GRM8: variants seen among roughly 807,000 people sequenced by gnomAD.
GRM8 encodes metabotropic glutamate receptor 8.
GRM8 carries 47 observed loss-of-function variants against 87.2 expected under a neutral mutation model. The ratio of observed to expected loss-of-function variants is 0.54; its 90% CI spans 0.43 to 0.69. The LOEUF (loss-of-function observed/expected upper bound fraction) is 0.69. GRM8 is among the 30% of genes least tolerant of loss of function. The pLI is 0.00. For missense variants in GRM8, 1,019 were observed against 1,139.2 expected (o/e 0.89, Z 1.52); for synonymous variants, 396 against 404.5 (o/e 0.98, Z 0.25).
chr7:126,730,916 A>G (rs1417540530), intron 7 of GRM8, among the ~76,000 whole-genome samples: 2 of 152,164 alleles, frequency 1.3e-5, no homozygotes, highest in Non-Finnish European at 2.9e-5. Context: ...TCTCTTTTCG[A>G]TAAATCTGTA....
intron 6 of GRM8, among the ~76,000 whole-genome samples, chr7:126,842,684 C>T (rs1796386131): frequency 1.3e-5 from 2 of 152,136 alleles, no homozygotes; most frequent in Admixed American, 1.3e-4. Flanking sequence ...GACCAGAGAG[C>T]AGGCATAATC....
At chr7:126,597,266 T>C (rs528940249) in intron 8 of GRM8, among the ~76,000 whole-genome samples, 2 of 152,226 alleles carry the variant, frequency 1.3e-5, no homozygotes, top group East Asian at 3.9e-4. Flanking sequence ...CAATAAACAT[T>C]AATTTTTCTT....
intron 6 of GRM8, among the ~76,000 whole-genome samples, chr7:126,894,771 G>T (rs1801386278): frequency 6.6e-6 from 1 of 152,014 alleles, no homozygotes; most frequent in South Asian, 2.1e-4. Context: ...AGGAAAGGAT[G>T]AAGGAAAGAA....
At chr7:127,052,642 A>G (rs993245442) in intron 3 of GRM8, among the ~76,000 whole-genome samples, 1 of 152,224 alleles carries the variant, frequency 6.6e-6, no homozygotes, top group African/African-American at 2.4e-5. Context: ...AGAATTTCAA[A>G]TCAACATTAC....
chr7:126,490,191 T>C (rs1563064144), intron 9 of GRM8, among the ~76,000 whole-genome samples: 1 of 152,120 alleles, frequency 6.6e-6, no homozygotes, highest in Non-Finnish European at 1.5e-5. Flanking sequence ...TGGAGAATTC[T>C]GGCTAATACA....
chr7:126,832,322 G>C (rs1795468488), intron 6 of GRM8, among the ~76,000 whole-genome samples: 1 of 152,010 alleles, frequency 6.6e-6, no homozygotes, highest in African/African-American at 2.4e-5. Context: ...ATTTTATAAA[G>C]CTAGGAATGT....
intron 7 of GRM8, among the ~76,000 whole-genome samples, chr7:126,758,897 C>A (rs77525081): frequency 0.018 from 2,652 of 151,312 alleles, 73 homozygotes; most frequent in African/African-American, 0.061. Flanking sequence ...CTTTCTTTTC[C>A]TTTTTTCTTT....
intron 2 of GRM8, among the ~76,000 whole-genome samples, chr7:127,164,880 C>T (rs1366523593): frequency 6.6e-6 from 1 of 151,880 alleles, no homozygotes; most frequent in Non-Finnish European, 1.5e-5. Context: ...ACCTCTCAGA[C>T]CTCAGTTTTA....
At chr7:126,866,653 G>C (rs540132053) in intron 6 of GRM8, among the ~76,000 whole-genome samples, 25 of 125,154 alleles carry the variant, frequency 2.0e-4, no homozygotes, top group Non-Finnish European at 3.6e-4. Flanking sequence ...GTGCTGTGGT[G>C]CAATCTCGGC....
At chr7:126,803,397 T>A (rs1298064389) in intron 6 of GRM8, among the ~76,000 whole-genome samples, 2 of 152,170 alleles carry the variant, frequency 1.3e-5, no homozygotes, top group Non-Finnish European at 2.9e-5. Flanking sequence ...CTCCAGCACT[T>A]AGTTGAGAGG....
intron 2 of GRM8, among the ~76,000 whole-genome samples, chr7:127,116,908 C>G (rs899518021): frequency 6.6e-6 from 1 of 152,120 alleles, no homozygotes; most frequent in South Asian, 2.1e-4. Flanking sequence ...CCAGGACTAT[C>G]AAGAAAATGC....
intron 2 of GRM8, among the ~76,000 whole-genome samples, chr7:127,169,865 A>C (rs185873348): frequency 1.3e-5 from 2 of 152,346 alleles, no homozygotes; most frequent in Admixed American, 1.3e-4. Context: ...CCCACTGTTG[A>C]GACCTACTGC....
intron 7 of GRM8, among the ~76,000 whole-genome samples, chr7:126,741,563 A>T (rs1815002415): frequency 6.6e-6 from 1 of 152,070 alleles, no homozygotes; most frequent in South Asian, 2.1e-4. Context: ...GTGGCAGAAG[A>T]ACTGAAATGT....
intron 3 of GRM8, among the ~76,000 whole-genome samples, chr7:127,073,989 T>A (rs1041929850): frequency 6.6e-6 from 1 of 152,196 alleles, no homozygotes; most frequent in Non-Finnish European, 1.5e-5. Flanking sequence ...ATCCTTTCAT[T>A]TAACTTGTGT....
chr7:126,610,925 G>A (rs963843896), intron 7 of GRM8, among the ~76,000 whole-genome samples: 4 of 152,116 alleles, frequency 2.6e-5, no homozygotes, highest in South Asian at 4.2e-4. Flanking sequence ...CTCTGCTCCC[G>A]GAACTGGAAG....
At chr7:126,912,626 G>A (rs11762811) in intron 3 of GRM8, among the ~76,000 whole-genome samples, 23,170 of 152,224 alleles carry the variant, frequency 0.15, 2,023 homozygotes, top group Non-Finnish European at 0.21. Flanking sequence ...GCAGCTCTCT[G>A]TAGCCAGGGC....
rs185224393 is a variant in GRM8 at position 126,494,202 on chromosome 7, C to T, written c.2430+38750G>A. ...TTTAGAGTCTGTAGGGAGACAGCAG[C>T]ATGACTGTAATTCTCACACACTAAC... On this transcript the variant is annotated intron_variant, in intron 9 of 10. Coordinates refer to ENST00000339582, the MANE Select transcript of GRM8 (RefSeq NM_000845.3). Among the ~76,000 whole-genome samples, 787 of 152,126 alleles carry T rather than the reference C, an allele frequency of 5.2e-3. 4 individuals are homozygous for T. The highest frequency in any genetic ancestry group is 6.6e-3 in the Non-Finnish European group (451 of 67,960).
chr7:127,008,465 G>C (rs1409802632), intron 3 of GRM8, among the ~76,000 whole-genome samples: 2 of 152,060 alleles, frequency 1.3e-5, no homozygotes, highest in Admixed American at 1.3e-4. Context: ...TCTCCCTCAT[G>C]CCTCAGGACC....
chr7:127,022,170 CT>C (rs76117895), intron 3 of GRM8, among the ~76,000 whole-genome samples: 12,690 of 143,810 alleles, frequency 0.088, 598 homozygotes, highest in Middle Eastern at 0.13. Flanking sequence ...GATAATGTTT[CT>C]TTTTTTTTTT....
Sources: gnomAD v4.1 joint callset for allele counts (sites outside exome capture counted in the v4.1 genomes callset) on GRCh38, gnomAD v4.1.1 for gene constraint, MANE v1.5 for transcripts, NCBI Gene and HGNC (gene_info 2026-07-23, HGNC 2026-07-21) for gene names.